Variants in RFX3 observed in about 807,000 individuals in gnomAD.
RFX3 encodes the protein regulatory factor X3.
A neutral mutation model predicts 98.6 loss-of-function variants in RFX3; 14 were observed. The observed-to-expected ratio is 0.14, with a 90% confidence interval of 0.09 to 0.22. The LOEUF (loss-of-function observed/expected upper bound fraction) is 0.22. Ranked by LOEUF, RFX3 falls within the 10% of genes least tolerant of loss-of-function variation. The probability of loss-of-function intolerance (pLI) is 1.00; values close to 1 mark genes in which losing one functional copy is unlikely to be tolerated. For missense variants in RFX3, 639 were observed against 926.9 expected (o/e 0.69, Z 4.03); for synonymous variants, 383 against 328.4 (o/e 1.17, Z -1.80).
chr9:3,504,886 TA>T (rs1444986711), intron 1 of RFX3, among the ~76,000 whole-genome samples: 4 of 65,378 alleles, frequency 6.1e-5, no homozygotes, highest in Admixed American at 2.7e-4. Context: ...ATATTATATA[TA>T]ATATAACATA....
intron 2 of RFX3, chr9:3,394,671 A>G (rs1319967489): frequency 9.4e-6 from 2 of 213,166 alleles, no homozygotes; most frequent in Non-Finnish European, 1.6e-5. Flanking sequence ...CTTATTTATA[A>G]TTGTAAGAGC....
intron 1 of RFX3, among the ~76,000 whole-genome samples, chr9:3,418,003 A>G (rs1467514235): frequency 6.6e-6 from 1 of 152,196 alleles, no homozygotes; most frequent in Admixed American, 6.5e-5. Flanking sequence ...ATAGATATGC[A>G]TATTTGTTGG....
chr9:3,488,521 A>G (rs183420842), intron 1 of RFX3, among the ~76,000 whole-genome samples: 125 of 152,328 alleles, frequency 8.2e-4, no homozygotes, highest in African/African-American at 2.9e-3. Flanking sequence ...TTTGAGAAAT[A>G]TAATAAAACT....
At position 3,341,697 on chromosome 9, in the gene RFX3, G is replaced by A. The variant is rs148935936; in HGVS notation, c.215+4970C>T. 4.6e-3 allele frequency among the ~76,000 whole-genome samples: 704 copies of A among 152,278 alleles called. 6 individuals carry two copies. Among genetic ancestry groups the A allele is most frequent in the African/African-American group, 0.016 (662 of 41,554 alleles). On this transcript the variant is annotated intron_variant, in intron 3 of 16. Transcript: ENST00000617270. ...TTTTAGGTATTAGAGAGAGAACAGG[G>A]TGCCCTTCCATGGTCTTTTCCACAT...
At position 3,379,023 on chromosome 9, in the gene RFX3, A is replaced by G. The variant is rs574047703; in HGVS notation, c.117+16449T>C. On this transcript the variant is annotated intron_variant, in intron 2 of 16. Coordinates refer to ENST00000617270, the MANE Select transcript of RFX3 (RefSeq NM_001282116.2). ...TAAACATGTAAATAAATTACTGTCAATTTAGAAGGCAACTCAGTCATAACC... is the reference window on the plus strand; with the variant it reads ...TAAACATGTAAATAAATTACTGTCAGTTTAGAAGGCAACTCAGTCATAACC... Among the ~76,000 whole-genome samples the G allele has an allele frequency of 2.5e-3, 380 of 152,316 alleles. 1 individual carries two copies. Among genetic ancestry groups the G allele is most frequent in the African/African-American group, 8.0e-3 (332 of 41,576 alleles).
At chr9:3,504,972 A>ATATAATATATATC (rs1316211073) in intron 1 of RFX3, among the ~76,000 whole-genome samples, 1 of 66,270 alleles carries the variant, frequency 1.5e-5, no homozygotes, top group African/African-American at 8.5e-5. Context: ...TATAATATAT[A>ATATAATATATATC]TTATATAATA....
chr9:3,427,084 C>A (rs1235089826), intron 1 of RFX3, among the ~76,000 whole-genome samples: 4 of 151,350 alleles, frequency 2.6e-5, no homozygotes, highest in African/African-American at 9.7e-5. Flanking sequence ...ATACATGAGC[C>A]TTTTTCAGCT....
chr9:3,498,090 G>A (rs1445003882), intron 1 of RFX3, among the ~76,000 whole-genome samples: 1 of 151,958 alleles, frequency 6.6e-6, no homozygotes, highest in Non-Finnish European at 1.5e-5. Context: ...TTTGATGGAA[G>A]CATCTTGTTT....
At chr9:3,396,970 G>T (rs868344297) in intron 1 of RFX3, among the ~76,000 whole-genome samples, 1 of 151,952 alleles carries the variant, frequency 6.6e-6, no homozygotes, top group East Asian at 1.9e-4. Context: ...TTTTGTGTAT[G>T]GTATAATATG....
chr9:3,238,664 C>A (rs1383444126), intron 15 of RFX3, among the ~76,000 whole-genome samples: 1 of 152,138 alleles, frequency 6.6e-6, no homozygotes, highest in Non-Finnish European at 1.5e-5. Flanking sequence ...TTGAACTTTG[C>A]AACATTCTGA....
At chr9:3,243,391 A>C (rs995495998) in intron 15 of RFX3, among the ~76,000 whole-genome samples, 2 of 151,558 alleles carry the variant, frequency 1.3e-5, no homozygotes, top group African/African-American at 4.8e-5. Flanking sequence ...GTATTAATGT[A>C]GTAGCATACT....
chr9:3,365,572 C>T (rs1320647153), intron 2 of RFX3, among the ~76,000 whole-genome samples: 1 of 152,138 alleles, frequency 6.6e-6, no homozygotes, highest in African/African-American at 2.4e-5. Flanking sequence ...TAATACTCCT[C>T]TAGCAAGGGT....
intron 4 of RFX3, among the ~76,000 whole-genome samples, chr9:3,322,663 G>A (rs1831449784): frequency 1.3e-5 from 2 of 152,120 alleles, no homozygotes; most frequent in South Asian, 2.1e-4. Context: ...AACCCAGGAG[G>A]TGGAGGTTAC....
chr9:3,451,989 G>C (rs1027088277), intron 1 of RFX3, among the ~76,000 whole-genome samples: 3 of 152,116 alleles, frequency 2.0e-5, no homozygotes, highest in African/African-American at 7.2e-5. Context: ...TTGTGCTGAA[G>C]TAGAATTGGA....
At chr9:3,446,747 G>A (rs1334440744) in intron 1 of RFX3, among the ~76,000 whole-genome samples, 1 of 151,994 alleles carries the variant, frequency 6.6e-6, no homozygotes. Flanking sequence ...ATAAATTGGA[G>A]TAACGTATGG....
intron 4 of RFX3, among the ~76,000 whole-genome samples, chr9:3,316,066 C>T (rs1830550094): frequency 6.6e-6 from 1 of 151,448 alleles, no homozygotes; most frequent in South Asian, 2.1e-4. Context: ...GGCAGGGACA[C>T]AATAAAAAAA....
chr9:3,332,799 C>G (rs919776433), intron 3 of RFX3, among the ~76,000 whole-genome samples: 29 of 152,280 alleles, frequency 1.9e-4, no homozygotes, highest in Admixed American at 4.6e-4. Flanking sequence ...GTGCCATTTT[C>G]TCTTGCCTTT....
chr9:3,269,181 C>G (rs993869512), intron 11 of RFX3, among the ~76,000 whole-genome samples: 1 of 151,322 alleles, frequency 6.6e-6, no homozygotes, highest in Non-Finnish European at 1.5e-5. Flanking sequence ...TTTTTTTTTA[C>G]TTATTCCTAT....
intron 1 of RFX3, among the ~76,000 whole-genome samples, chr9:3,443,004 T>C (rs896781558): frequency 6.6e-6 from 1 of 152,048 alleles, no homozygotes; most frequent in Non-Finnish European, 1.5e-5. Context: ...TCCATAAATG[T>C]AAAGAACTCT....
Sources: allele counts gnomAD v4.1 joint callset (sites outside exome capture counted in the v4.1 genomes callset), GRCh38; gene constraint gnomAD v4.1.1; transcripts MANE v1.5; gene names NCBI Gene and HGNC (gene_info 2026-07-23, HGNC 2026-07-21).